Variants in ARHGEF10 observed in about 807,000 individuals in gnomAD.
ARHGEF10 encodes the protein Rho guanine nucleotide exchange factor 10, also known as Rho guanine nucleotide exchange factor (GEF) 10.
A neutral mutation model predicts 147.4 loss-of-function variants in ARHGEF10; 140 were observed. The ratio of observed to expected loss-of-function variants is 0.95; its 90% CI spans 0.83 to 1.09. ARHGEF10 has a LOEUF of 1.09. Ranked by LOEUF, ARHGEF10 falls within the 50% of genes least tolerant of loss-of-function variation. The pLI is 0.00. For synonymous variants in ARHGEF10, 902 were observed against 695.8 expected (o/e 1.30, Z -4.67); for missense variants, 2,222 against 1,752.7 (o/e 1.27, Z -4.78).
chr8:1,845,985 C>T lies in ARHGEF10; in HGVS notation c.37+2549C>T, dbSNP rs374496569. Among the ~76,000 whole-genome samples the T allele has an allele frequency of 1.1e-4, 16 of 152,348 alleles. No individual in the cohort carries two copies. The East Asian group carries it at 2.3e-3, about 22-fold the overall frequency. ...AGGGGAGAGTATGACAGGTCCACGC[C>T]CTCTGGGTGCAGCTGGACTGGCCAG... is the stretch of plus-strand genomic sequence containing the variant. On this transcript the variant is annotated intron_variant, in intron 2 of 28. Transcript: ENST00000349830.
intron 7 of ARHGEF10, chr8:1,876,022 T>C (rs1455616454): frequency 6.2e-6 from 1 of 161,656 alleles, no homozygotes; most frequent in Non-Finnish European, 1.4e-5. Flanking sequence ...ATTTTCATTC[T>C]CTAAAAGTCT....
At chr8:1,885,939 C>A (rs537602582) in intron 11 of ARHGEF10, among the ~76,000 whole-genome samples, 12 of 152,236 alleles carry the variant, frequency 7.9e-5, no homozygotes, top group African/African-American at 2.9e-4. Flanking sequence ...CCTTCTGGTC[C>A]TTAAATATTT....
At chr8:1,831,374 G>T (rs1280505640) in intron 1 of ARHGEF10, among the ~76,000 whole-genome samples, 1 of 59,526 alleles carries the variant, frequency 1.7e-5, no homozygotes, top group South Asian at 5.5e-4. Flanking sequence ...TGACATCCAT[G>T]GAGGGACAGT....
rs759317894 is a variant in ARHGEF10 at position 1,945,618 on chromosome 8, C to T, written c.3360C>T (p.Asp1120=). 5 of 1,614,246 alleles carry T rather than the reference C, an allele frequency of 3.1e-6. No individual in the cohort carries two copies. The highest frequency in any genetic ancestry group is 1.1e-5 in the South Asian group (1 of 91,088). Residue 1120 remains aspartate, a synonymous_variant, in exon 27 of 29, where the codon GAC becomes GAT. Transcript: ENST00000349830. ...CGGAAACTCTCAAGCACCTGCAGGA[C>T]ATCAACATCGCCACCCCTGTTCACA... The part of the protein sequence containing the change: ...FHTETLKHLQ[D]INIATPVHNM...
intron 3 of ARHGEF10, among the ~76,000 whole-genome samples, chr8:1,859,519 C>T (rs1338314848): frequency 6.6e-6 from 1 of 152,230 alleles, no homozygotes; most frequent in African/African-American, 2.4e-5. Flanking sequence ...TAGCATCAGC[C>T]TCTCGGTTGT....
chr8:1,849,608 G>A (rs1203831006), intron 2 of ARHGEF10, among the ~76,000 whole-genome samples: 1 of 146,796 alleles, frequency 6.8e-6, no homozygotes, highest in East Asian at 2.1e-4. Flanking sequence ...GACGGCAAAT[G>A]CTGAGGAGGG....
At chr8:1,836,164 G>C (rs1370985553) in intron 1 of ARHGEF10, among the ~76,000 whole-genome samples, 7 of 144,984 alleles carry the variant, frequency 4.8e-5, no homozygotes, top group African/African-American at 1.0e-4. Flanking sequence ...CTGGGCGACA[G>C]AGCAAGACTC....
Position 1,898,439 on chromosome 8 carries a change from C to G in ARHGEF10, c.1564C>G (p.Gln522Glu), listed in dbSNP as rs1293651651. Residue 522 changes from glutamine (Q) to glutamate (E), a missense_variant, in exon 15 of 29, where the codon CAG becomes GAG. Physicochemically the swap from Gln to Glu is conservative, Grantham distance 29. Transcript: ENST00000349830. ...CCGGTGCCTTCCCCCACAGCAGGAA[C>G]AGGAGGCCAGCCCCGATCGAACCAC... ...PAFLEFLKQEQEASPDRTTLY... is the reference protein window; with the variant it reads ...PAFLEFLKQEEEASPDRTTLY... 2 of 1,614,100 alleles carry G rather than the reference C, an allele frequency of 1.2e-6. No individual in the cohort carries two copies. Among genetic ancestry groups the G allele is most frequent in the Admixed American group, 1.7e-5 (1 of 60,032 alleles).
chr8:1,885,762 T>A, intron 11 of ARHGEF10, 55 bp downstream of exon 11: 1 of 1,357,256 alleles, frequency 7.4e-7, no homozygotes, highest in Admixed American at 1.7e-5. Context: ...TGCTAGTTTT[T>A]AAATATTTGT....
chr8:1,933,468 G>C (rs1282868484), intron 25 of ARHGEF10, among the ~76,000 whole-genome samples: 1 of 150,756 alleles, frequency 6.6e-6, no homozygotes, highest in Non-Finnish European at 1.5e-5. Flanking sequence ...CTAGTGGTAG[G>C]ATGGTCTCGA....
intron 1 of ARHGEF10, among the ~76,000 whole-genome samples, chr8:1,833,124 ACAGAGG>A (rs1172217451): frequency 1.4e-5 from 2 of 146,838 alleles, no homozygotes; most frequent in South Asian, 2.2e-4. Flanking sequence ...GCAGAGAGAG[ACAGAGG>A]CAGAGGCAGA....
At chr8:1,882,540 C>A in intron 9 of ARHGEF10, 95 bp from the exon 10 acceptor site, 1 of 1,053,972 alleles carries the variant, frequency 9.5e-7, no homozygotes, top group Non-Finnish European at 1.4e-6. Context: ...TCACAAGAAC[C>A]AGACTACTTG....
At chr8:1,906,760 G>T (rs781189483) in intron 17 of ARHGEF10, among the ~76,000 whole-genome samples, 10 of 152,194 alleles carry the variant, frequency 6.6e-5, no homozygotes, top group African/African-American at 2.2e-4. Context: ...ACGCTCTTGC[G>T]GGTCTCTTCA....
chr8:1,888,190 TTG>T (rs1808914703), intron 11 of ARHGEF10, among the ~76,000 whole-genome samples: 1 of 45,062 alleles, frequency 2.2e-5, no homozygotes, highest in African/African-American at 2.0e-4. Flanking sequence ...GGGTGAGGGT[TTG>T]CGAGGAGACA....
rs188594306 is a variant in ARHGEF10, at chr8:1,873,775, C to T, written c.680-2796C>T. On this transcript the variant is annotated intron_variant, in intron 7 of 28. Coordinates refer to ENST00000349830, the MANE Select transcript of ARHGEF10 (RefSeq NM_014629.4). ...GGTAGTGCACCCACATTTCTTCACT[C>T]GTTTAGAGTTCGGGGCTCTCAGAAC... Among the ~76,000 whole-genome samples the T allele has an allele frequency of 1.3e-4, 20 of 151,246 alleles. 1 individual carries two copies. Among genetic ancestry groups the T allele is most frequent in the African/African-American group, 4.1e-4 (17 of 41,178 alleles).
chr8:1,930,376 G>T (rs956764516), intron 25 of ARHGEF10, among the ~76,000 whole-genome samples: 1 of 151,842 alleles, frequency 6.6e-6, no homozygotes, highest in Admixed American at 6.6e-5. Flanking sequence ...GGTCCACACC[G>T]CCCAGCTCCC....
In ARHGEF10 at chr8:1,830,422, C is replaced by T. The variant is rs929978468; in HGVS notation, c.-48+6309C>T. On this transcript the variant is annotated intron_variant, in intron 1 of 28. Coordinates refer to ENST00000349830, the MANE Select transcript of ARHGEF10 (RefSeq NM_014629.4). ...GTCCCTTGAGGCCTTTCTCTGTTGGCTTAGGTTTAGTGCCCTTTTGTGCTT... is the reference window on the plus strand; with the variant it reads ...GTCCCTTGAGGCCTTTCTCTGTTGGTTTAGGTTTAGTGCCCTTTTGTGCTT... Among the ~76,000 whole-genome samples, 5 of 152,340 alleles carry T rather than the reference C, an allele frequency of 3.3e-5. No homozygotes were observed. In the South Asian group the frequency reaches 8.3e-4, roughly 25 times the overall value.
At position 1,823,999 on chromosome 8, in the gene ARHGEF10, C is replaced by CGGCGGGGAACG. The variant is rs1439949226; in HGVS notation, c.-161_-160insGCGGGGAACGG. On this transcript the variant is annotated 5_prime_UTR_variant, in exon 1 of 29. Coordinates refer to ENST00000349830, the MANE Select transcript of ARHGEF10 (RefSeq NM_014629.4). Reference sequence around the variant, plus strand: ...ACGGGGTCGCGGGGGACGCGGGGGACGCGGGGGACGGCGGGGAACGGCGGG... The same window carrying CGGCGGGGAACG: ...ACGGGGTCGCGGGGGACGCGGGGGACGGCGGGGAACGGCGGGGGACGGCGGGGAACGGCGGG... 14 of 79,386 alleles carry CGGCGGGGAACG rather than the reference C, an allele frequency of 1.8e-4. No individual in the cohort carries two copies. The East Asian group carries it at 2.6e-3, about 15-fold the overall frequency. The allele number at this position is 79,386 out of a possible 1,614,324, so 4.9% of individuals were successfully genotyped here.
Position 1,955,128 on chromosome 8 carries a change from GCAC to G in ARHGEF10, c.3521-1620_3521-1618del, listed in dbSNP as rs1563339031. ...AGCCAGGTGCTCCCTGAAAGGAGGT[GCAC>G]TCTCACTGTTCCTCTGGAGGATAGC... On this transcript the variant is annotated intron_variant, in intron 28 of 28. Coordinates refer to ENST00000349830, the MANE Select transcript of ARHGEF10 (RefSeq NM_014629.4). 2.2e-3 allele frequency among the ~76,000 whole-genome samples: 265 copies of G among 119,314 alleles called. 5 individuals carry two copies. The highest frequency in any genetic ancestry group is 6.2e-3 in the African/African-American group (164 of 26,562). The allele number at this position is 119,314 out of a possible 152,430, so 78.3% of individuals were successfully genotyped here. A position where few individuals can be genotyped will look rare whatever the true frequency, so the allele number is the denominator to read the frequency against.
Sources: allele counts gnomAD v4.1 joint callset (sites outside exome capture counted in the v4.1 genomes callset), GRCh38; gene constraint gnomAD v4.1.1; transcripts MANE v1.5; gene names NCBI Gene and HGNC (gene_info 2026-07-23, HGNC 2026-07-21).